TUT4: variants seen among roughly 807,000 people sequenced by gnomAD.
TUT4 encodes terminal uridylyltransferase 4.
TUT4 carries 36 observed loss-of-function variants against 192.2 expected under a neutral mutation model. The observed-to-expected ratio is 0.19, with a 90% CI of 0.14 to 0.25. The LOEUF (loss-of-function observed/expected upper bound fraction) is 0.25. Among genes scored for constraint, TUT4 ranks in the 10% least tolerant of loss-of-function variants. TUT4 has a pLI of 1.00. For missense variants in TUT4, 1,493 were observed against 1,957.2 expected (o/e 0.76, Z 4.47); for synonymous variants, 618 against 666.0 (o/e 0.93, Z 1.11).
chr1:52,464,921 C>T (rs1372907183), intron 16 of TUT4, 149 bp downstream of exon 16: 4 of 524,334 alleles, frequency 7.6e-6, no homozygotes, highest in Non-Finnish European at 1.3e-5. Flanking sequence ...ACTGAAAATG[C>T]TACTGTTTTC....
Position 52,445,972 on chromosome 1 carries a change from C to T in TUT4, c.3724G>A (p.Gly1242Arg). 6.2e-7 allele frequency: 1 copy of T among 1,607,562 alleles called. No individual in the cohort carries two copies. Among genetic ancestry groups the T allele is most frequent in the Non-Finnish European group, 8.5e-7 (1 of 1,178,278 alleles). The stretch of plus-strand genomic sequence containing the variant: ...TAAAACTTACTTTTTCTGGAAACTC[C>T]AGCACCAAGGTTATGATTCAAGTCA... The part of the protein sequence containing the change: ...PFDLNHNLGA[G>R]VSRKMTNFIM... Residue 1242 changes from glycine to arginine, a missense_variant, in exon 23 of 30, where the codon GGA (glycine) becomes AGA (arginine). Physicochemically the swap from Gly to Arg is moderately radical, Grantham distance 125. Coordinates refer to ENST00000257177, the MANE Select transcript of TUT4 (RefSeq NM_001009881.3).
At chr1:52,426,331 G>C (rs1441468805) in intron 28 of TUT4, among the ~76,000 whole-genome samples, 1 of 152,100 alleles carries the variant, frequency 6.6e-6, no homozygotes, top group Non-Finnish European at 1.5e-5. Context: ...AAAAATGTAA[G>C]TCCTATTCTT....
chr1:52,481,156 G>A (rs548795171), intron 11 of TUT4, among the ~76,000 whole-genome samples: 15 of 152,232 alleles, frequency 9.9e-5, no homozygotes, highest in African/African-American at 3.6e-4. Context: ...AACTCTTAAA[G>A]GAAATTTTCC....
chr1:52,447,547 T>C (rs1017169008), intron 20 of TUT4, among the ~76,000 whole-genome samples: 3 of 150,110 alleles, frequency 2.0e-5, no homozygotes, highest in Admixed American at 1.3e-4. Flanking sequence ...TTATTATGAA[T>C]AATAATCCGC....
At chr1:52,479,060 C>A (rs1033893546) in intron 11 of TUT4, among the ~76,000 whole-genome samples, 1 of 151,902 alleles carries the variant, frequency 6.6e-6, no homozygotes, top group African/African-American at 2.4e-5. Flanking sequence ...TTACAGTGTT[C>A]AATAGAGTAG....
intron 3 of TUT4, among the ~76,000 whole-genome samples, chr1:52,511,586 T>C (rs1398223666): frequency 6.6e-6 from 1 of 152,080 alleles, no homozygotes; most frequent in South Asian, 2.1e-4. Flanking sequence ...ATAAAGTAAC[T>C]TTAAGGAAGT....
At chr1:52,470,512 C>T (rs1415983043) in intron 14 of TUT4, among the ~76,000 whole-genome samples, 1 of 152,056 alleles carries the variant, frequency 6.6e-6, no homozygotes, top group Non-Finnish European at 1.5e-5. Context: ...TATTTATCAA[C>T]AGGTGAATGG....
intron 20 of TUT4, among the ~76,000 whole-genome samples, chr1:52,451,337 T>C (rs1467196017): frequency 6.6e-6 from 1 of 152,046 alleles, no homozygotes; most frequent in East Asian, 1.9e-4. Context: ...CTAATTAATT[T>C]ATGGTAAATT....
At chr1:52,451,505 A>G in intron 20 of TUT4, among the ~76,000 whole-genome samples, 1 of 152,156 alleles carries the variant, frequency 6.6e-6, no homozygotes, top group East Asian at 1.9e-4. Flanking sequence ...ACTATGAACT[A>G]CAATTTTGAT....
At chr1:52,455,915 A>G (rs1348268021) in intron 20 of TUT4, among the ~76,000 whole-genome samples, 1 of 152,220 alleles carries the variant, frequency 6.6e-6, no homozygotes, top group Non-Finnish European at 1.5e-5. Context: ...ATACTCGTAC[A>G]TATGATTCAG....
chr1:52,431,564 A>G (rs945506118), intron 27 of TUT4, 104 bp from the exon 28 acceptor site: 4 of 912,742 alleles, frequency 4.4e-6, no homozygotes, highest in South Asian at 2.6e-5. Flanking sequence ...ACAGAACTCT[A>G]TGATGTATAT....
At chr1:52,440,009 A>C (rs1655026316) in intron 24 of TUT4, among the ~76,000 whole-genome samples, 1 of 152,214 alleles carries the variant, frequency 6.6e-6, no homozygotes, top group South Asian at 2.1e-4. Flanking sequence ...AAAATGAAAG[A>C]AGCCAGTTTC....
chr1:52,528,397 G>A (rs1682412632), intron 1 of TUT4, among the ~76,000 whole-genome samples: 1 of 151,622 alleles, frequency 6.6e-6, no homozygotes, highest in African/African-American at 2.4e-5. Context: ...AGGCTGAGGT[G>A]GGAGGATCGC....
intron 3 of TUT4, among the ~76,000 whole-genome samples, chr1:52,511,219 G>A (rs116176816): frequency 0.022 from 3,320 of 152,194 alleles, 106 homozygotes; most frequent in African/African-American, 0.074. Context: ...GGATTAATTT[G>A]CCCAAGGCAA....
At chr1:52,478,608 T>A (rs186807028) in intron 11 of TUT4, among the ~76,000 whole-genome samples, 90 of 152,330 alleles carry the variant, frequency 5.9e-4, no homozygotes, top group African/African-American at 2.1e-3. Context: ...TACTGCCACC[T>A]AAATAAGGTC....
chr1:52,472,228 TA>T (rs889251671), intron 13 of TUT4, 126 bp from the exon 14 acceptor site: 17,095 of 757,792 alleles, frequency 0.023, 1 homozygote, highest in South Asian at 0.032. Context: ...AGGAGGTAAT[TA>T]AAAAAAAAAA....
intron 9 of TUT4, among the ~76,000 whole-genome samples, chr1:52,484,874 T>C (rs891978069): frequency 2.6e-5 from 4 of 152,228 alleles, no homozygotes; most frequent in Non-Finnish European, 5.9e-5. Flanking sequence ...GGCTAGCTAT[T>C]ACCCGTCTGA....
intron 26 of TUT4, among the ~76,000 whole-genome samples, chr1:52,435,696 G>C (rs1034502510): frequency 1.3e-5 from 2 of 152,128 alleles, no homozygotes; most frequent in Non-Finnish European, 2.9e-5. Flanking sequence ...ACTGATCCTA[G>C]AAGCAAGAAC....
chr1:52,490,692 G>A (rs1267703510), intron 8 of TUT4, 40 bp downstream of exon 8: 2 of 1,550,562 alleles, frequency 1.3e-6, no homozygotes, highest in South Asian at 1.2e-5. Flanking sequence ...TGGTTGTTGG[G>A]GTTTGTTTTT....
Sources: allele counts gnomAD v4.1 joint callset (sites outside exome capture counted in the v4.1 genomes callset), GRCh38; gene constraint gnomAD v4.1.1; transcripts MANE v1.5; gene names NCBI Gene and HGNC (gene_info 2026-07-23, HGNC 2026-07-21).